The following HS6ST3 variants were observed in gnomAD, a reference collection of about 807,000 sequenced individuals.
HS6ST3 encodes heparan-sulfate 6-O-sulfotransferase 3.
A neutral mutation model predicts 36.7 loss-of-function variants in HS6ST3; 12 were observed. The ratio of observed to expected loss-of-function variants is 0.33; its 90% CI spans 0.21 to 0.53. The LOEUF (loss-of-function observed/expected upper bound fraction) is 0.53, where lower values mean the gene tolerates loss of function less well. HS6ST3 is among the 20% of genes least tolerant of loss of function. The pLI is 0.95. For synonymous variants in HS6ST3, 240 were observed against 257.5 expected (o/e 0.93, Z 0.65); for missense variants, 584 against 640.9 (o/e 0.91, Z 0.96).
chr13:96,323,164 G>T (rs184024982), intron 1 of HS6ST3, among the ~76,000 whole-genome samples: 1 of 151,946 alleles, frequency 6.6e-6, no homozygotes, highest in African/African-American at 2.4e-5. Context: ...TTAATATATC[G>T]AATTGCATAT....
chr13:96,207,405 G>A lies in HS6ST3; in HGVS notation c.707+115836G>A, dbSNP rs2139355329. Among the ~76,000 whole-genome samples, 5 of 151,956 alleles carry A rather than the reference G, an allele frequency of 3.3e-5. No individual in the cohort carries two copies. The South Asian group carries it at 1.0e-3, about 32-fold the overall frequency. On this transcript the variant is annotated intron_variant, in intron 1 of 1. Coordinates refer to ENST00000376705, the MANE Select transcript of HS6ST3 (RefSeq NM_153456.4). ...GGGAGTGTAAATTAGTTCAACCATTGTGGAAGACAGCGTGCAGTTCCTCAG... is the reference window on the plus strand; with the variant it reads ...GGGAGTGTAAATTAGTTCAACCATTATGGAAGACAGCGTGCAGTTCCTCAG...
At chr13:96,478,547 T>C (rs1458402266) in intron 1 of HS6ST3, among the ~76,000 whole-genome samples, 1 of 152,144 alleles carries the variant, frequency 6.6e-6, no homozygotes, top group African/African-American at 2.4e-5. Context: ...CTCTTCCTGC[T>C]TGAAATGAAA....
intron 1 of HS6ST3, among the ~76,000 whole-genome samples, chr13:96,485,683 C>T (rs2055910667): frequency 6.6e-6 from 1 of 151,950 alleles, no homozygotes; most frequent in Admixed American, 6.6e-5. Context: ...CAAATTTTCA[C>T]CATTAACTAT....
intron 1 of HS6ST3, among the ~76,000 whole-genome samples, chr13:96,745,441 G>T (rs1449576680): frequency 6.6e-6 from 1 of 152,048 alleles, no homozygotes; most frequent in African/African-American, 2.4e-5. Flanking sequence ...CTCATCTGGT[G>T]TAGACAAATA....
chr13:96,424,614 T>G lies in HS6ST3; in HGVS notation c.707+333045T>G, dbSNP rs899088716. On this transcript the variant is annotated intron_variant, in intron 1 of 1. Transcript: ENST00000376705. ...GTTCAATGTCTGCTAACAGCCCACT[T>G]CCTGGTTCGTAGATGGTGACTTTTT... Among the ~76,000 whole-genome samples the G allele has an allele frequency of 7.2e-5, 11 of 152,244 alleles. No homozygotes were observed. The East Asian group carries it at 1.2e-3, about 16-fold the overall frequency.
chr13:96,697,322 A>G (rs769776062), intron 1 of HS6ST3, among the ~76,000 whole-genome samples: 24 of 152,132 alleles, frequency 1.6e-4, no homozygotes, highest in Non-Finnish European at 3.2e-4. Context: ...AAATCTAACA[A>G]TTGGAAAATA....
chr13:96,502,521 G>A (rs2056008995), intron 1 of HS6ST3, among the ~76,000 whole-genome samples: 1 of 152,072 alleles, frequency 6.6e-6, no homozygotes, highest in Non-Finnish European at 1.5e-5. Context: ...ATCAAGCAGG[G>A]ACAAAGCAGA....
intron 1 of HS6ST3, among the ~76,000 whole-genome samples, chr13:96,718,348 C>T (rs1425201649): frequency 6.6e-6 from 1 of 152,156 alleles, no homozygotes; most frequent in Non-Finnish European, 1.5e-5. Flanking sequence ...CAAAGCTTTC[C>T]TTCCATCTCT....
At chr13:96,307,289 G>A (rs1030981040) in intron 1 of HS6ST3, among the ~76,000 whole-genome samples, 2 of 152,068 alleles carry the variant, frequency 1.3e-5, no homozygotes, top group Non-Finnish European at 2.9e-5. Flanking sequence ...GGACACATAG[G>A]CATAACATAT....
chr13:96,233,542 G>T (rs2054518178), intron 1 of HS6ST3, among the ~76,000 whole-genome samples: 1 of 152,174 alleles, frequency 6.6e-6, no homozygotes, highest in Non-Finnish European at 1.5e-5. Context: ...GAAATGGAAA[G>T]AGAAACAGTG....
intron 1 of HS6ST3, among the ~76,000 whole-genome samples, chr13:96,801,017 C>T (rs1353833443): frequency 6.6e-6 from 1 of 152,138 alleles, no homozygotes; most frequent in Non-Finnish European, 1.5e-5. Context: ...ATGTTTTCAT[C>T]TCATGGCTCC....
chr13:96,209,521 A>G (rs2054388129), intron 1 of HS6ST3, among the ~76,000 whole-genome samples: 1 of 152,206 alleles, frequency 6.6e-6, no homozygotes, highest in African/African-American at 2.4e-5. Context: ...ATGTAAAAAT[A>G]GTGGGTCTGA....
At chr13:96,789,575 C>A (rs1877730985) in intron 1 of HS6ST3, among the ~76,000 whole-genome samples, 1 of 151,630 alleles carries the variant, frequency 6.6e-6, no homozygotes, top group South Asian at 2.1e-4. Flanking sequence ...ATTTAAATAA[C>A]TTTTTTATTT....
intron 1 of HS6ST3, among the ~76,000 whole-genome samples, chr13:96,185,814 T>G (rs1401811705): frequency 6.6e-6 from 1 of 152,220 alleles, no homozygotes; most frequent in Non-Finnish European, 1.5e-5. Flanking sequence ...TTTCACTCTG[T>G]GTTTGCTTGC....
intron 1 of HS6ST3, among the ~76,000 whole-genome samples, chr13:96,746,321 A>G (rs1470269527): frequency 2.0e-5 from 3 of 152,106 alleles, no homozygotes; most frequent in African/African-American, 4.8e-5. Flanking sequence ...GGATTAAAAC[A>G]GCTGCCCCCT....
At chr13:96,414,917 T>G (rs919184054) in intron 1 of HS6ST3, among the ~76,000 whole-genome samples, 1 of 152,208 alleles carries the variant, frequency 6.6e-6, no homozygotes, top group African/African-American at 2.4e-5. Context: ...GGATGGAGCC[T>G]TTCTCAGAAT....
At position 96,583,204 on chromosome 13, in the gene HS6ST3, C is replaced by CTTTTTTTTTTTTTTTTTTTTTTT. The variant is rs71292889; in HGVS notation, c.708-249281_708-249259dup. Among the ~76,000 whole-genome samples, 26 of 52,930 alleles carry CTTTTTTTTTTTTTTTTTTTTTTT rather than the reference C, an allele frequency of 4.9e-4. 8 individuals are homozygous for CTTTTTTTTTTTTTTTTTTTTTTT. The highest frequency in any genetic ancestry group is 1.4e-3 in the African/African-American group (17 of 12,428). 34.7% of individuals were successfully genotyped at this position (52,930 alleles called of 152,430 possible). On this transcript the variant is annotated intron_variant, in intron 1 of 1. Coordinates refer to ENST00000376705, the MANE Select transcript of HS6ST3 (RefSeq NM_153456.4). Reference sequence around the variant, plus strand: ...AATGGCTTCAATTTCTTTTTCTTTTCTTTTTTTTTTTTTTTTTTTTTTTTT... The same window carrying CTTTTTTTTTTTTTTTTTTTTTTT: ...AATGGCTTCAATTTCTTTTTCTTTTCTTTTTTTTTTTTTTTTTTTTTTTTTTTTTTTTTTTTTTTTTTTTTTTT...
At chr13:96,295,394 G>A (rs2054850006) in intron 1 of HS6ST3, among the ~76,000 whole-genome samples, 1 of 152,034 alleles carries the variant, frequency 6.6e-6, no homozygotes, top group Non-Finnish European at 1.5e-5. Context: ...TTTAGAAGCA[G>A]TTGCTGAGGA....
At chr13:96,289,861 G>C (rs1421962909) in intron 1 of HS6ST3, among the ~76,000 whole-genome samples, 1 of 152,124 alleles carries the variant, frequency 6.6e-6, no homozygotes, top group African/African-American at 2.4e-5. Flanking sequence ...TGCAAACCCA[G>C]GTTAGCGAGT....
Sources: gnomAD v4.1 joint callset for allele counts (sites outside exome capture counted in the v4.1 genomes callset) on GRCh38, gnomAD v4.1.1 for gene constraint, MANE v1.5 for transcripts, NCBI Gene and HGNC (gene_info 2026-07-23, HGNC 2026-07-21) for gene names.